The following TYW1B variants were observed in gnomAD, a reference collection of about 807,000 sequenced individuals.
The protein encoded by TYW1B is S-adenosyl-L-methionine-dependent tRNA 4-demethylwyosine synthase TYW1B.
A neutral mutation model predicts 86.9 loss-of-function variants in TYW1B; 73 were observed. The ratio of observed to expected loss-of-function variants is 0.84; its 90% confidence interval spans 0.70 to 1.02. TYW1B has a LOEUF of 1.02. TYW1B is among the 50% of genes least tolerant of loss of function. The pLI is 0.00. For synonymous variants in TYW1B, 248 were observed against 292.8 expected, an observed-to-expected ratio of 0.85 and a Z score of 1.56; for missense variants, 637 against 827.4, an observed-to-expected ratio of 0.77 and a Z score of 2.82.
At chr7:72,646,040 TAA>T (rs1362280255) in intron 11 of TYW1B, among the ~76,000 whole-genome samples, 37 of 147,474 alleles carry the variant, frequency 2.5e-4, no homozygotes, top group Non-Finnish European at 3.0e-5. Context: ...ATCCAAATTT[TAA>T]AAGTCTTTTC....
intron 7 of TYW1B, among the ~76,000 whole-genome samples, chr7:72,757,015 C>T (rs1342498839): frequency 2.0e-5 from 3 of 152,056 alleles, no homozygotes; most frequent in African/African-American, 4.8e-5. Flanking sequence ...GAAATCGGAA[C>T]CCTCATACAC....
At position 72,752,732 on chromosome 7, in the gene TYW1B, A is replaced by AAAAC. The variant is rs143294618; in HGVS notation, c.965-8135_965-8132dup. ...GGCGACAGAATGAGACTCCGTCTCA[A>AAAAC]AAACAAACAAACAAACAAACAAACA... On this transcript the variant is annotated intron_variant, in intron 7 of 13. Coordinates refer to ENST00000620995, the MANE Select transcript of TYW1B (RefSeq NM_001145440.3). Among the ~76,000 whole-genome samples the AAAAC allele has an allele frequency of 3.5e-3, 534 of 150,752 alleles. 2 individuals carry two copies. The highest frequency in any genetic ancestry group is 6.4e-3 in the African/African-American group (261 of 41,088).
intron 7 of TYW1B, chr7:72,768,823 A>G: frequency 8.7e-6 from 2 of 230,880 alleles, no homozygotes; most frequent in South Asian, 1.3e-4. Context: ...GGTGCAGGAC[A>G]GGATCCTGTG....
At chr7:72,672,473 AACACACACACACACACACACAC>A (rs57744814) in intron 11 of TYW1B, among the ~76,000 whole-genome samples, 3 of 140,780 alleles carry the variant, frequency 2.1e-5, no homozygotes, top group Non-Finnish European at 4.6e-5. Flanking sequence ...TACACACACA[AACACACACACACACACACACAC>A]ACACACACAC....
chr7:72,678,777 T>A (rs1813800490), intron 11 of TYW1B, among the ~76,000 whole-genome samples: 2 of 152,048 alleles, frequency 1.3e-5, no homozygotes, highest in Non-Finnish European at 2.9e-5. Context: ...CTTGACTTCA[T>A]GATCCGCCTG....
At chr7:72,669,377 C>A (rs1554445922) in intron 11 of TYW1B, among the ~76,000 whole-genome samples, 1 of 151,908 alleles carries the variant, frequency 6.6e-6, no homozygotes, top group African/African-American at 2.4e-5. Flanking sequence ...AATTCCTGAC[C>A]TCAGGTGATC....
intron 11 of TYW1B, among the ~76,000 whole-genome samples, chr7:72,651,478 C>T: frequency 9.3e-6 from 1 of 107,946 alleles, no homozygotes; most frequent in East Asian, 3.1e-4. Context: ...ATTAGCTGGG[C>T]ATGGCGGGCA....
intron 7 of TYW1B, among the ~76,000 whole-genome samples, chr7:72,746,181 AC>A (rs1471243533): frequency 1.3e-5 from 2 of 152,128 alleles, no homozygotes; most frequent in Non-Finnish European, 2.9e-5. Flanking sequence ...ATAAAAGTCT[AC>A]TAGCTTATTT....
At chr7:72,659,430 G>A (rs1554444151) in intron 11 of TYW1B, among the ~76,000 whole-genome samples, 1 of 151,976 alleles carries the variant, frequency 6.6e-6, no homozygotes, top group Non-Finnish European at 1.5e-5. Context: ...ATACAAAAAT[G>A]AGCCAGGCGT....
chr7:72,613,378 T>C (rs1415467120), intron 13 of TYW1B, among the ~76,000 whole-genome samples: 6 of 150,444 alleles, frequency 4.0e-5, no homozygotes, highest in Non-Finnish European at 8.9e-5. Context: ...TATATAAAAA[T>C]TAAAATATTT....
rs549329230 is a variant in TYW1B, at chr7:72,622,695, AC to A, written c.1618-5857del. 2.0e-3 allele frequency among the ~76,000 whole-genome samples: 297 copies of A among 149,808 alleles called. 1 individual carries two copies. Among genetic ancestry groups the A allele is most frequent in the African/African-American group, 7.1e-3 (281 of 39,438 alleles). The stretch of plus-strand genomic sequence containing the variant: ...ATACACATAACACATACACATGCAC[AC>A]AACACACACATGCACACACACAACA... On this transcript the variant is annotated intron_variant, in intron 12 of 13. Coordinates refer to ENST00000620995, the MANE Select transcript of TYW1B (RefSeq NM_001145440.3).
At chr7:72,681,591 C>CTTTTT (rs71069098) in intron 11 of TYW1B, among the ~76,000 whole-genome samples, 35 of 110,996 alleles carry the variant, frequency 3.2e-4, no homozygotes, top group South Asian at 9.6e-4. Flanking sequence ...ATATTTACTT[C>CTTTTT]TTTTTTTTTT....
intron 9 of TYW1B, among the ~76,000 whole-genome samples, chr7:72,727,619 C>A (rs1787023996): frequency 6.6e-6 from 1 of 151,960 alleles, no homozygotes; most frequent in Non-Finnish European, 1.5e-5. Context: ...GAGTTTGAGA[C>A]CAGCCTGGGC....
At chr7:72,782,914 C>T (rs1554471864) in intron 6 of TYW1B, among the ~76,000 whole-genome samples, 2 of 152,114 alleles carry the variant, frequency 1.3e-5, no homozygotes, top group Non-Finnish European at 2.9e-5. Context: ...TGCCCAAATT[C>T]TCCAGAGGTC....
At chr7:72,621,656 T>C (rs1554437987) in intron 12 of TYW1B, among the ~76,000 whole-genome samples, 1 of 152,262 alleles carries the variant, frequency 6.6e-6, no homozygotes, top group South Asian at 2.1e-4. Flanking sequence ...GTCAAAACTC[T>C]GAGCCCTTTG....
At chr7:72,710,722 C>T (rs1361070363) in intron 10 of TYW1B, among the ~76,000 whole-genome samples, 4 of 152,090 alleles carry the variant, frequency 2.6e-5, no homozygotes, top group Non-Finnish European at 5.9e-5. Context: ...GCAGGAGAAT[C>T]GCTTGAACCT....
chr7:72,730,722 C>T (rs1415959444), intron 8 of TYW1B, among the ~76,000 whole-genome samples: 3 of 150,592 alleles, frequency 2.0e-5, no homozygotes, highest in East Asian at 2.0e-4. Flanking sequence ...CAGCAGGAGG[C>T]GTAGGAAAAA....
At chr7:72,613,272 TC>T (rs1411069557) in intron 13 of TYW1B, among the ~76,000 whole-genome samples, 55 of 152,242 alleles carry the variant, frequency 3.6e-4, no homozygotes, top group African/African-American at 1.3e-3. Flanking sequence ...TTAAGGACAG[TC>T]TTTGCATTTT....
chr7:72,718,300 TAG>T (rs1786828970), intron 9 of TYW1B, among the ~76,000 whole-genome samples: 1 of 152,052 alleles, frequency 6.6e-6, no homozygotes, highest in African/African-American at 2.4e-5. Context: ...ATGGAAATAA[TAG>T]AGACTAGAGA....
Sources: gnomAD v4.1 joint callset for allele counts (sites outside exome capture counted in the v4.1 genomes callset) on GRCh38, gnomAD v4.1.1 for gene constraint, MANE v1.5 for transcripts, NCBI Gene and HGNC (gene_info 2026-07-23, HGNC 2026-07-21) for gene names.